SCD5: variants seen among roughly 807,000 people sequenced by gnomAD.
SCD5 encodes acyl-CoA-desaturase 4.
Under a neutral mutation model 30.4 loss-of-function variants are expected in SCD5, and 20 were observed. The ratio of observed to expected loss-of-function variants is 0.66; its 90% confidence interval spans 0.46 to 0.96. SCD5 has a LOEUF of 0.96. Among genes scored for constraint, SCD5 ranks in the 40% least tolerant of loss-of-function variants. The pLI, the probability that SCD5 is intolerant of heterozygous loss-of-function variation, is 0.00. For missense variants in SCD5, 381 were observed against 443.3 expected, an observed-to-expected ratio of 0.86 and a Z score of 1.26; for synonymous variants, 173 against 176.4, an observed-to-expected ratio of 0.98 and a Z score of 0.16.
intron 1 of SCD5, among the ~76,000 whole-genome samples, chr4:82,777,236 G>A (rs547787683): frequency 6.6e-6 from 1 of 152,318 alleles, no homozygotes; most frequent in South Asian, 2.1e-4. Flanking sequence ...ACTTGTCTGA[G>A]GTCACACAGC....
chr4:82,778,628 C>T (rs11943851), intron 1 of SCD5, among the ~76,000 whole-genome samples: 2 of 152,132 alleles, frequency 1.3e-5, no homozygotes, highest in Non-Finnish European at 2.9e-5. Context: ...CTTTGATGTC[C>T]CCTTCACAAG....
chr4:82,766,618 C>G (rs1721492127), intron 1 of SCD5, among the ~76,000 whole-genome samples: 1 of 152,200 alleles, frequency 6.6e-6, no homozygotes, highest in Admixed American at 6.5e-5. Flanking sequence ...TTGCATCTTC[C>G]TGCTTCTTTG....
chr4:82,758,681 G>T (rs1433618013), intron 1 of SCD5, among the ~76,000 whole-genome samples: 4 of 152,134 alleles, frequency 2.6e-5, no homozygotes, highest in Non-Finnish European at 5.9e-5. Context: ...ACAGGATTTT[G>T]GTGCGGGTGA....
At chr4:82,787,597 T>C (rs1452719659) in intron 1 of SCD5, among the ~76,000 whole-genome samples, 4 of 152,214 alleles carry the variant, frequency 2.6e-5, no homozygotes, top group African/African-American at 9.6e-5. Context: ...GTCTGAATGT[T>C]TGTCTTCCCT....
intron 1 of SCD5, among the ~76,000 whole-genome samples, chr4:82,715,672 C>CA (rs1720211286): frequency 6.6e-6 from 1 of 151,384 alleles, no homozygotes; most frequent in African/African-American, 2.4e-5. Context: ...TGGCTTATAC[C>CA]TCATGCCTTG....
Position 82,798,766 on chromosome 4 carries a change from T to G in SCD5, c.-229A>C. On this transcript the variant is annotated 5_prime_UTR_variant, in exon 1 of 5. It removes an upstream start codon present in the reference 5' UTR. Transcript: ENST00000319540. ...GCGTCTGTTGCTGGCGTATCCCCCA[T>G]ATGGCTGCCCGGGCTGAACTCGGCC... The G allele has an allele frequency of 2.0e-6, 1 of 490,974 alleles. No homozygotes were observed. The highest frequency in any genetic ancestry group is 3.6e-6 in the Non-Finnish European group (1 of 281,436). 30.4% of individuals were successfully genotyped at this position (490,974 alleles called of 1,614,324 possible).
intron 3 of SCD5, 146 bp from the exon 4 acceptor site, chr4:82,636,969 G>A: frequency 1.5e-6 from 1 of 662,792 alleles, no homozygotes; most frequent in East Asian, 2.7e-5. Context: ...GTGGAAGCCT[G>A]TTGTGTAGGG....
chr4:82,787,517 C>T (rs1378722736), intron 1 of SCD5, among the ~76,000 whole-genome samples: 2 of 152,204 alleles, frequency 1.3e-5, no homozygotes, highest in Non-Finnish European at 2.9e-5. Context: ...CCCTCCGCTT[C>T]CTTCGAGCCA....
chr4:82,636,521 CA>C, intron 4 of SCD5, 69 bp downstream of exon 4: 3 of 1,244,466 alleles, frequency 2.4e-6, no homozygotes, highest in Non-Finnish European at 3.4e-6. Context: ...ACTGATTCCA[CA>C]AAACTACTGA....
At chr4:82,670,499 C>T (rs189697722) in intron 3 of SCD5, among the ~76,000 whole-genome samples, 22 of 151,536 alleles carry the variant, frequency 1.5e-4, no homozygotes, top group African/African-American at 4.6e-4. Flanking sequence ...AATAAAACCA[C>T]AAAAGGCAGA....
chr4:82,713,705 AC>A (rs1018204528), intron 1 of SCD5, among the ~76,000 whole-genome samples: 1 of 152,172 alleles, frequency 6.6e-6, no homozygotes, highest in Non-Finnish European at 1.5e-5. Flanking sequence ...AAAATACTCA[AC>A]CATGTTGATT....
At chr4:82,639,103 G>A (rs1727489531) in intron 3 of SCD5, among the ~76,000 whole-genome samples, 4 of 152,218 alleles carry the variant, frequency 2.6e-5, no homozygotes, top group Admixed American at 2.6e-4. Context: ...ACTGCTAGCT[G>A]TGCATGTGTC....
intron 3 of SCD5, among the ~76,000 whole-genome samples, chr4:82,679,220 A>AAAGAGGG (rs1553915588): frequency 3.1e-5 from 1 of 32,224 alleles, no homozygotes; most frequent in African/African-American, 1.5e-4. Context: ...AAAAAGAAAG[A>AAAGAGGG]AAAGAAAGAA....
chr4:82,717,264 C>G (rs1386744614), intron 1 of SCD5, among the ~76,000 whole-genome samples: 1 of 151,768 alleles, frequency 6.6e-6, no homozygotes. Flanking sequence ...TGACCCAGAT[C>G]CCAACACAGA....
chr4:82,773,602 T>C (rs770302984), intron 1 of SCD5, among the ~76,000 whole-genome samples: 7 of 152,202 alleles, frequency 4.6e-5, no homozygotes, highest in Non-Finnish European at 8.8e-5. Flanking sequence ...AATACCCACA[T>C]GTCTAAGCAA....
In SCD5 at chr4:82,647,411, A is replaced by G. The variant is rs901771319; in HGVS notation, c.570-10588T>C. On this transcript the variant is annotated intron_variant, in intron 3 of 4. Coordinates refer to ENST00000319540, the MANE Select transcript of SCD5 (RefSeq NM_001037582.3). The stretch of plus-strand genomic sequence containing the variant: ...CAGCCTCCATTTGGGAAAAGAGCCA[A>G]TGGAGTTATTTTAGCCACCGTCATG... Among the ~76,000 whole-genome samples, 8 of 152,322 alleles carry G rather than the reference A, an allele frequency of 5.3e-5. No individual in the cohort carries two copies. The South Asian group carries it at 6.2e-4, about 12-fold the overall frequency.
chr4:82,759,256 G>T (rs61264039), intron 1 of SCD5, among the ~76,000 whole-genome samples: 1 of 152,134 alleles, frequency 6.6e-6, no homozygotes. Context: ...GCGGGATGCA[G>T]GGCCTCAGCA....
chr4:82,732,772 C>G (rs1355355220), intron 1 of SCD5, among the ~76,000 whole-genome samples: 1 of 152,136 alleles, frequency 6.6e-6, no homozygotes, highest in Non-Finnish European at 1.5e-5. Flanking sequence ...GTACTAAAGA[C>G]AGAAAGTGAA....
At position 82,658,467 on chromosome 4, in the gene SCD5, C is replaced by CATT. The variant is rs1553914592; in HGVS notation, c.570-21645_570-21644insAAT. Among the ~76,000 whole-genome samples the CATT allele has an allele frequency of 9.5e-5, 10 of 105,546 alleles. 1 individual carries two copies. In the South Asian group the frequency reaches 2.8e-3, roughly 30 times the overall value. 69.2% of individuals were successfully genotyped at this position (105,546 alleles called of 152,430 possible). Reference sequence around the variant, plus strand: ...AGCTGACTTGATTGTGGTGGATAAGCTTTTTTTTTTTTTTTTTTTAGATGG... The same window carrying CATT: ...AGCTGACTTGATTGTGGTGGATAAGCATTTTTTTTTTTTTTTTTTTTTAGATGG... On this transcript the variant is annotated intron_variant, in intron 3 of 4. Coordinates refer to ENST00000319540, the MANE Select transcript of SCD5 (RefSeq NM_001037582.3).
Sources: allele counts gnomAD v4.1 joint callset (sites outside exome capture counted in the v4.1 genomes callset), GRCh38; gene constraint gnomAD v4.1.1; transcripts MANE v1.5; gene names NCBI Gene and HGNC (gene_info 2026-07-23, HGNC 2026-07-21).